TTC7B: variants seen among roughly 807,000 people sequenced by gnomAD.
The protein encoded by TTC7B is tetratricopeptide repeat protein 7B.
In TTC7B, 28 loss-of-function variants were observed where a neutral mutation model predicts 106.8. The ratio of observed to expected loss-of-function variants is 0.26; its 90% CI spans 0.19 to 0.36. The LOEUF is 0.36. Ranked by LOEUF, TTC7B falls within the 10% of genes least tolerant of loss-of-function variation. The pLI is 1.00. For synonymous variants in TTC7B, 405 were observed against 430.6 expected (o/e 0.94, Z 0.74); for missense variants, 862 against 1,076.4 (o/e 0.80, Z 2.79).
intron 5 of TTC7B, among the ~76,000 whole-genome samples, chr14:90,707,616 A>T (rs978219403): frequency 7.2e-5 from 11 of 152,158 alleles, no homozygotes; most frequent in Non-Finnish European, 1.3e-4. Flanking sequence ...GATAAAAATA[A>T]TTTTTTAAAA....
chr14:90,788,598 C>A (rs920003080), intron 1 of TTC7B, among the ~76,000 whole-genome samples: 2 of 152,008 alleles, frequency 1.3e-5, no homozygotes. Context: ...TAATCTTTTA[C>A]TATTTTTCAA....
chr14:90,566,987 T>C (rs545133881), intron 19 of TTC7B, among the ~76,000 whole-genome samples: 10 of 151,704 alleles, frequency 6.6e-5, no homozygotes, highest in Non-Finnish European at 1.2e-4. Flanking sequence ...CCTCACACAA[T>C]TGCACTCTCA....
At chr14:90,756,268 TA>T (rs1433031864) in intron 3 of TTC7B, among the ~76,000 whole-genome samples, 1 of 152,190 alleles carries the variant, frequency 6.6e-6, no homozygotes, top group Non-Finnish European at 1.5e-5. Context: ...CACTCTGGGC[TA>T]GGGGTGGGCT....
intron 3 of TTC7B, among the ~76,000 whole-genome samples, chr14:90,764,317 G>A: frequency 6.6e-6 from 1 of 151,956 alleles, no homozygotes; most frequent in Non-Finnish European, 1.5e-5. Flanking sequence ...AACTCAAAAT[G>A]GATCAGACAC....
intron 18 of TTC7B, among the ~76,000 whole-genome samples, chr14:90,580,539 T>C (rs1274207661): frequency 6.6e-6 from 1 of 152,156 alleles, no homozygotes; most frequent in Non-Finnish European, 1.5e-5. Context: ...TCTGCAGCCC[T>C]CGGGAGCTTG....
At chr14:90,776,140 GACACACACAC>G (rs370873395) in intron 3 of TTC7B, among the ~76,000 whole-genome samples, 162 of 140,378 alleles carry the variant, frequency 1.2e-3, no homozygotes, top group East Asian at 2.1e-3. Context: ...GGCCCCCCGT[GACACACACAC>G]ACACACACAC....
At chr14:90,594,283 G>C (rs1892110938) in intron 17 of TTC7B, among the ~76,000 whole-genome samples, 1 of 152,226 alleles carries the variant, frequency 6.6e-6, no homozygotes, top group African/African-American at 2.4e-5. Flanking sequence ...CTGGGGTTCA[G>C]AATATGCACC....
chr14:90,689,857 T>A, intron 6 of TTC7B, 145 bp from the exon 7 acceptor site: 1 of 806,812 alleles, frequency 1.2e-6, no homozygotes, highest in Non-Finnish European at 1.8e-6. Flanking sequence ...TTTACGATGG[T>A]AATCATACCA....
intron 7 of TTC7B, among the ~76,000 whole-genome samples, chr14:90,681,817 G>C (rs1425510616): frequency 3.3e-5 from 5 of 152,206 alleles, no homozygotes; most frequent in Non-Finnish European, 7.3e-5. Context: ...TTCTGGAATA[G>C]AGCCTAAAGG....
At chr14:90,758,351 C>T (rs1244954212) in intron 3 of TTC7B, among the ~76,000 whole-genome samples, 1 of 104,562 alleles carries the variant, frequency 9.6e-6, no homozygotes, top group Non-Finnish European at 2.0e-5. Context: ...CGGGGCGCGG[C>T]GGGGCGAGAG....
chr14:90,745,794 T>G (rs1014707282), intron 3 of TTC7B, among the ~76,000 whole-genome samples: 1 of 151,028 alleles, frequency 6.6e-6, no homozygotes, highest in Non-Finnish European at 1.5e-5. Flanking sequence ...AATGTCCACC[T>G]CCTGAGTTCA....
Position 90,748,569 on chromosome 14 carries a change from T to C in TTC7B, c.446-3647A>G, listed in dbSNP as rs180792032. Among the ~76,000 whole-genome samples the C allele has an allele frequency of 2.0e-3, 299 of 152,266 alleles. 5 individuals carry two copies. The highest frequency in any genetic ancestry group is 7.0e-3 in the African/African-American group (291 of 41,558). ...CTCGAACTCCTGACCTCAAGTGATC[T>C]GCCCATGTTGGCCTCCCAAAGTGCT... is the stretch of plus-strand genomic sequence containing the variant. On this transcript the variant is annotated intron_variant, in intron 3 of 19. Transcript: ENST00000328459.
chr14:90,735,716 T>TAA (rs1555394602), intron 4 of TTC7B, among the ~76,000 whole-genome samples: 1 of 150,748 alleles, frequency 6.6e-6, no homozygotes, highest in African/African-American at 2.4e-5. Context: ...TTTTTTTTTT[T>TAA]AAAAAACCTA....
At chr14:90,744,600 C>T (rs763958613) in intron 4 of TTC7B, among the ~76,000 whole-genome samples, 192 bp downstream of exon 4, 11 of 152,158 alleles carry the variant, frequency 7.2e-5, no homozygotes, top group Non-Finnish European at 1.2e-4. Context: ...TGAGCCACCA[C>T]GCTGGCCCAA....
intron 9 of TTC7B, 26 bp from the exon 10 acceptor site, chr14:90,658,413 A>G (rs1886042433): frequency 6.3e-7 from 1 of 1,599,994 alleles, no homozygotes; most frequent in Admixed American, 1.7e-5. Context: ...AAACAAATGC[A>G]GACATCTGAG....
chr14:90,708,165 A>AAAAAAG (rs1888291613), intron 5 of TTC7B, among the ~76,000 whole-genome samples: 1 of 151,602 alleles, frequency 6.6e-6, no homozygotes, highest in Non-Finnish European at 1.5e-5. Context: ...AAAAAAAAAA[A>AAAAAAG]AAAAAGTGCA....
At position 90,532,717 on chromosome 14, in the gene TTC7B, C is replaced by G. The variant is rs8014733; in HGVS notation, c.*8651G>C. The G allele has an allele frequency of 0.069, 10,524 of 152,296 alleles. 678 individuals carry two copies. Among genetic ancestry groups the G allele is most frequent in the African/African-American group, 0.16 (6,849 of 41,524 alleles). The allele number at this position is 152,296 out of a possible 1,614,324, so 9.4% of individuals were successfully genotyped here. A position where few individuals can be genotyped will look rare whatever the true frequency, so the allele number is the denominator to read the frequency against. On this transcript the variant is annotated 3_prime_UTR_variant, in exon 20 of 20. Transcript: ENST00000328459. ...CCCAATAAGACCACCAGCTCCCCAG[C>G]CCAGGTACCTGTGTCTGGCCAGGGG...
chr14:90,557,968 C>A (rs959180294), intron 19 of TTC7B, among the ~76,000 whole-genome samples: 3 of 152,258 alleles, frequency 2.0e-5, no homozygotes, highest in Non-Finnish European at 4.4e-5. Context: ...TCTCCTGACA[C>A]CTGTGTGGTC....
intron 8 of TTC7B, among the ~76,000 whole-genome samples, chr14:90,678,101 C>A (rs1465253921): frequency 1.3e-5 from 2 of 152,162 alleles, no homozygotes; most frequent in African/African-American, 2.4e-5. Context: ...TTATGAGAGA[C>A]TTTCAAGTTA....
Sources: allele counts gnomAD v4.1 joint callset (sites outside exome capture counted in the v4.1 genomes callset), GRCh38; gene constraint gnomAD v4.1.1; transcripts MANE v1.5; gene names NCBI Gene and HGNC (gene_info 2026-07-23, HGNC 2026-07-21).